USP37: variants seen among roughly 807,000 people sequenced by gnomAD.
USP37 encodes the protein ubiquitin carboxyl-terminal hydrolase 37.
A neutral mutation model predicts 124.0 loss-of-function variants in USP37; 27 were observed. The observed-to-expected ratio is 0.22, with a 90% CI of 0.16 to 0.30. The LOEUF is 0.30. Ranked by LOEUF, USP37 falls within the 10% of genes least tolerant of loss-of-function variation. The probability of loss-of-function intolerance (pLI) is 1.00; values close to 1 mark genes in which losing one functional copy is unlikely to be tolerated. For missense variants in USP37, 889 were observed against 1,140.4 expected, an observed-to-expected ratio of 0.78 and a Z score of 3.17; for synonymous variants, 365 against 388.0, an observed-to-expected ratio of 0.94 and a Z score of 0.70.
chr2:218,535,661 C>T (rs1235490852), intron 8 of USP37, among the ~76,000 whole-genome samples: 2 of 151,960 alleles, frequency 1.3e-5, no homozygotes, highest in African/African-American at 2.4e-5. Flanking sequence ...TCAAGACCAT[C>T]CTGGTTAACA....
rs779986188 is a variant in USP37 at position 218,495,936 on chromosome 2, A to G, written c.1296T>C (p.Phe432=). The part of the protein sequence containing the change: ...SGYMQNDAHE[F]LSQCLDQLKE... The stretch of plus-strand genomic sequence containing the variant: ...TCAGCTGGTCCAAACACTGACTTAA[A>G]AATTCATGAGCATCCTAATAAGACA... The change falls in exon 14 of 26, where the codon TTT becomes TTC. Residue 432 remains phenylalanine, a synonymous_variant. Coordinates refer to ENST00000258399, the MANE Select transcript of USP37 (RefSeq NM_020935.3). 2.5e-6 allele frequency: 4 copies of G among 1,609,598 alleles called. No homozygotes were observed. The Admixed American group carries it at 5.1e-5, about 21-fold the overall frequency.
intron 15 of USP37, among the ~76,000 whole-genome samples, chr2:218,487,648 T>C (rs1165193786): frequency 6.6e-6 from 1 of 152,102 alleles, no homozygotes; most frequent in Non-Finnish European, 1.5e-5. Flanking sequence ...CTTGATCTCT[T>C]GACCTTGTGA....
At chr2:218,498,370 G>A (rs1689184841) in intron 11 of USP37, 1 of 347,882 alleles carries the variant, frequency 2.9e-6, no homozygotes, top group Middle Eastern at 8.2e-4. Context: ...TTTCTAACAA[G>A]TTACTAGATC....
chr2:218,556,023 G>A (rs918004337), intron 4 of USP37, among the ~76,000 whole-genome samples: 1 of 151,880 alleles, frequency 6.6e-6, no homozygotes, highest in African/African-American at 2.4e-5. Flanking sequence ...CCTCCTATAT[G>A]TCCTTCTATT....
chr2:218,496,692 A>G (rs1689097938), intron 13 of USP37, among the ~76,000 whole-genome samples: 1 of 152,170 alleles, frequency 6.6e-6, no homozygotes, highest in Non-Finnish European at 1.5e-5. Context: ...CTTGTCACAC[A>G]GGCTGGAGTA....
At chr2:218,494,912 T>C (rs935633500) in intron 14 of USP37, among the ~76,000 whole-genome samples, 7 of 151,784 alleles carry the variant, frequency 4.6e-5, no homozygotes, top group African/African-American at 1.7e-4. Flanking sequence ...TAAAAGAAAA[T>C]ATTTTTAGTA....
intron 8 of USP37, among the ~76,000 whole-genome samples, chr2:218,534,910 A>T (rs1459586824): frequency 6.6e-6 from 1 of 152,212 alleles, no homozygotes; most frequent in African/African-American, 2.4e-5. Context: ...TTACTATCTC[A>T]AGAGCCAATC....
chr2:218,476,482 G>A (rs1336687631), intron 19 of USP37, among the ~76,000 whole-genome samples: 1 of 152,148 alleles, frequency 6.6e-6, no homozygotes, highest in African/African-American at 2.4e-5. Flanking sequence ...AGCTGAGGTA[G>A]GAGGATTGTT....
chr2:218,543,753 C>T (rs1252348105), intron 8 of USP37, among the ~76,000 whole-genome samples: 3 of 151,776 alleles, frequency 2.0e-5, no homozygotes, highest in Admixed American at 6.6e-5. Flanking sequence ...TTGCAGTGAG[C>T]TGAGATCACA....
At chr2:218,495,000 C>A (rs1688997073) in intron 14 of USP37, among the ~76,000 whole-genome samples, 1 of 149,386 alleles carries the variant, frequency 6.7e-6, no homozygotes, top group Non-Finnish European at 1.5e-5. Flanking sequence ...AACAAGTATT[C>A]CCAAACAAAT....
chr2:218,517,845 T>C (rs558277935), intron 10 of USP37, among the ~76,000 whole-genome samples: 2 of 152,330 alleles, frequency 1.3e-5, no homozygotes, highest in South Asian at 4.1e-4. Context: ...ACAATAGACC[T>C]TTTAACTATA....
Position 218,466,192 on chromosome 2 carries a change from A to C in USP37, c.2300-16T>G, listed in dbSNP as rs773972356. 6.3e-7 allele frequency: 1 copy of C among 1,578,194 alleles called. No individual in the cohort carries two copies. Among genetic ancestry groups the C allele is most frequent in the Non-Finnish European group, 8.6e-7 (1 of 1,165,614 alleles). On this transcript the variant is annotated splice_polypyrimidine_tract_variant and intron_variant, in intron 20 of 25. Coordinates refer to ENST00000258399, the MANE Select transcript of USP37 (RefSeq NM_020935.3). ...CTGGCAGGATCTGAGGAAGCAGAAC[A>C]TAACATTAATTTGGAAAATCCTAAT...
chr2:218,553,401 TGA>T (rs1349664330), intron 5 of USP37, 150 bp downstream of exon 5: 1 of 683,684 alleles, frequency 1.5e-6, no homozygotes, highest in Non-Finnish European at 2.1e-6. Context: ...TTTCATATGG[TGA>T]ACTATCTTTG....
rs539049992 is a variant in USP37 at position 218,463,966 on chromosome 2, C to T, written c.2467-600G>A. Among the ~76,000 whole-genome samples the T allele has an allele frequency of 1.7e-4, 25 of 151,030 alleles. No individual in the cohort carries two copies. The East Asian group carries it at 2.7e-3, about 16-fold the overall frequency. ...TACCTCCCAGGTTCAAGCGATTCTCCTGTCTCAGCCTCCCGGGTGGCTGGG... is the reference window on the plus strand; with the variant it reads ...TACCTCCCAGGTTCAAGCGATTCTCTTGTCTCAGCCTCCCGGGTGGCTGGG... On this transcript the variant is annotated intron_variant, in intron 21 of 25. Coordinates refer to ENST00000258399, the MANE Select transcript of USP37 (RefSeq NM_020935.3).
chr2:218,484,348 G>A (rs773474029), intron 16 of USP37, among the ~76,000 whole-genome samples: 13 of 151,976 alleles, frequency 8.6e-5, no homozygotes, highest in East Asian at 2.0e-4. Flanking sequence ...TTGGCCCGGC[G>A]CGGTGGCTTA....
Position 218,490,334 on chromosome 2 carries a change from C to T in USP37, c.1473-1913G>A, listed in dbSNP as rs571894963. Among the ~76,000 whole-genome samples the T allele has an allele frequency of 2.0e-5, 3 of 152,234 alleles. No individual in the cohort carries two copies. In the East Asian group the frequency reaches 5.8e-4, roughly 29 times the overall value. ...CCAGCCTGGGAAACAGAGTGAGACT[C>T]CAACTCTAAATAAATAAATAATCTA... On this transcript the variant is annotated intron_variant, in intron 14 of 25. Transcript: ENST00000258399.
intron 11 of USP37, among the ~76,000 whole-genome samples, chr2:218,499,228 C>T (rs894467843): frequency 6.6e-6 from 1 of 152,050 alleles, no homozygotes; most frequent in Non-Finnish European, 1.5e-5. Context: ...AAGCTGAGAT[C>T]ACGCCACTGC....
At chr2:218,466,281 C>G in intron 20 of USP37, 105 bp from the exon 21 acceptor site, 1 of 1,254,076 alleles carries the variant, frequency 8.0e-7, no homozygotes, top group African/African-American at 1.5e-5. Flanking sequence ...CTAATTTCAT[C>G]TATAATTTGC....
rs151338207 is a variant in USP37 at position 218,498,611 on chromosome 2, G to A, written c.1026-454C>T. ...GGCATGGTGGTATGCGCCTGTAATC[G>A]CAGCTACTTGCAGGCTGAGGCACGA... On this transcript the variant is annotated intron_variant, in intron 11 of 25. Transcript: ENST00000258399. Among the ~76,000 whole-genome samples the A allele has an allele frequency of 5.7e-3, 873 of 152,030 alleles. 15 individuals carry two copies. The highest frequency in any genetic ancestry group is 0.02 in the African/African-American group (826 of 41,472).
Sources: gnomAD v4.1 joint callset for allele counts (sites outside exome capture counted in the v4.1 genomes callset) on GRCh38, gnomAD v4.1.1 for gene constraint, MANE v1.5 for transcripts, NCBI Gene and HGNC (gene_info 2026-07-23, HGNC 2026-07-21) for gene names.